Variants in TET2 observed in about 807,000 individuals in gnomAD.
The protein encoded by TET2 is tet methylcytosine dioxygenase 2.
TET2 carries 299 observed loss-of-function variants against 142.9 expected under a neutral mutation model. The observed-to-expected ratio is 2.09, with a 90% CI of 1.90 to 2.30. The LOEUF (loss-of-function observed/expected upper bound fraction) is 2.30, where lower values mean the gene tolerates loss of function less well. Among genes scored for constraint, TET2 ranks in the 30% most tolerant of loss-of-function variants. The probability of loss-of-function intolerance (pLI) is 0.00; values close to 1 mark genes in which losing one functional copy is unlikely to be tolerated. For missense variants in TET2, 2,418 were observed against 2,378.0 expected (o/e 1.02, Z -0.35); for synonymous variants, 819 against 849.0 (o/e 0.96, Z 0.61).
chr4:105,270,681 T>C (rs1251627158), intron 9 of TET2, among the ~76,000 whole-genome samples: 50 of 23,818 alleles, frequency 2.1e-3, no homozygotes, highest in African/African-American at 0.02. Context: ...ATGTTATATA[T>C]ATATATATAT....
chr4:105,200,710 G>C (rs1726408967), intron 2 of TET2, among the ~76,000 whole-genome samples: 1 of 151,882 alleles, frequency 6.6e-6, no homozygotes, highest in African/African-American at 2.4e-5. Context: ...CACCAGTCTG[G>C]AGTGTGGTGA....
rs1377670413 is a variant in TET2 at position 105,273,024 on chromosome 4, A to AT, written c.4537+107dup. ...TCAACTTGTAAGTTCTGGGGTACAC[A>AT]TGCAGGATGTGCAGGTTTGTTATAC... On this transcript the variant is annotated intron_variant, in intron 10 of 10. Coordinates refer to ENST00000380013, the MANE Select transcript of TET2 (RefSeq NM_001127208.3). The AT allele has an allele frequency of 6.0e-6, 5 of 840,202 alleles. No homozygotes were observed. The African/African-American group carries it at 8.6e-5, about 14-fold the overall frequency. The allele number at this position is 840,202 out of a possible 1,614,324, so 52.0% of individuals were successfully genotyped here. A position where few individuals can be genotyped will look rare whatever the true frequency, so the allele number is the denominator to read the frequency against.
intron 1 of TET2, among the ~76,000 whole-genome samples, chr4:105,154,321 A>G (rs1348855016): frequency 6.6e-6 from 1 of 152,240 alleles, no homozygotes; most frequent in Non-Finnish European, 1.5e-5. Flanking sequence ...AAATGAATGT[A>G]GTTGAGTTAT....
chr4:105,151,551 T>TTTAA (rs1474336971), intron 1 of TET2, among the ~76,000 whole-genome samples: 1 of 151,670 alleles, frequency 6.6e-6, no homozygotes, highest in Non-Finnish European at 1.5e-5. Flanking sequence ...TACCTGCAGT[T>TTTAA]TTAAGAATTC....
chr4:105,201,818 T>C (rs1726493364), intron 2 of TET2, among the ~76,000 whole-genome samples: 1 of 134,514 alleles, frequency 7.4e-6, no homozygotes, highest in Non-Finnish European at 1.5e-5. Context: ...TGAGGCTCAC[T>C]GCAGCCTCAA....
chr4:105,160,472 C>T (rs972901039), intron 1 of TET2, among the ~76,000 whole-genome samples: 3 of 152,128 alleles, frequency 2.0e-5, no homozygotes, highest in Non-Finnish European at 2.9e-5. Flanking sequence ...TGTATTGCAT[C>T]TAAGGATCAT....
At chr4:105,174,359 G>A (rs553401602) in intron 1 of TET2, among the ~76,000 whole-genome samples, 68 of 152,058 alleles carry the variant, frequency 4.5e-4, no homozygotes, top group African/African-American at 1.6e-3. Context: ...TATTTTTCTG[G>A]GATGACATAT....
At chr4:105,182,251 G>A (rs1364295635) in intron 1 of TET2, among the ~76,000 whole-genome samples, 1 of 152,148 alleles carries the variant, frequency 6.6e-6, no homozygotes, top group Non-Finnish European at 1.5e-5. Context: ...TGTGCTGATG[G>A]TTACTGAAAG....
At chr4:105,252,614 G>T (rs1180178149) in intron 6 of TET2, among the ~76,000 whole-genome samples, 2 of 152,136 alleles carry the variant, frequency 1.3e-5, no homozygotes, top group Non-Finnish European at 2.9e-5. Context: ...TCACTTGACA[G>T]TGCCATTTGC....
At chr4:105,175,572 A>G (rs1242468676) in intron 1 of TET2, among the ~76,000 whole-genome samples, 1 of 152,180 alleles carries the variant, frequency 6.6e-6, no homozygotes, top group Non-Finnish European at 1.5e-5. Flanking sequence ...AGATTATTCA[A>G]GAACTGCAGG....
chr4:105,229,367 G>A (rs549854378), intron 2 of TET2, among the ~76,000 whole-genome samples: 1 of 152,310 alleles, frequency 6.6e-6, no homozygotes, highest in South Asian at 2.1e-4. Flanking sequence ...CTGGAGTGCA[G>A]TGGCGCGATC....
intron 1 of TET2, chr4:105,178,126 T>TA (rs1308111790): frequency 1.3e-5 from 2 of 151,980 alleles, no homozygotes; most frequent in Admixed American, 1.3e-4. Context: ...AAACAAAACT[T>TA]ATCTCCACAT....
chr4:105,184,515 T>C (rs986668204), intron 1 of TET2, among the ~76,000 whole-genome samples: 5 of 152,254 alleles, frequency 3.3e-5, no homozygotes, highest in Admixed American at 3.3e-4. Flanking sequence ...CTGAGTTCTT[T>C]ACTGGGAGTC....
intron 1 of TET2, among the ~76,000 whole-genome samples, chr4:105,180,301 A>G (rs1319896054): frequency 1.3e-5 from 2 of 152,226 alleles, no homozygotes; most frequent in Non-Finnish European, 2.9e-5. Flanking sequence ...TGATAACATT[A>G]AAATGGTGAT....
Position 105,236,636 on chromosome 4 carries a change from AT to A in TET2, c.2695del (p.Tyr899IlefsTer22). The A allele has an allele frequency of 6.2e-7, 1 of 1,614,074 alleles. No individual in the cohort carries two copies. Among genetic ancestry groups the A allele is most frequent in the Non-Finnish European group, 8.5e-7 (1 of 1,179,992 alleles). ...CACAACAAGCTTCAGTTCTACAGGG[AT>A]ATAAAAATAGAAACCAAGATATGTC... ...KSQQASVLQGYKNRNQDMSGQ... is the reference protein window; with the variant it reads ...KSQQASVLQGXKNRNQDMSGQ... On this transcript the variant is annotated frameshift_variant, in exon 3 of 11. Coordinates refer to ENST00000380013, the MANE Select transcript of TET2 (RefSeq NM_001127208.3). LOFTEE classifies it high-confidence loss of function.
In TET2 at chr4:105,236,333, C is replaced by T. The variant is rs144220888; in HGVS notation, c.2391C>T (p.Phe797=). The change falls in exon 3 of 11, where the codon TTC becomes TTT. Residue 797 remains phenylalanine (F), a synonymous_variant. Coordinates refer to ENST00000380013, the MANE Select transcript of TET2 (RefSeq NM_001127208.3). ...ATCAGTATTCAAAATCAAGCGAGTT[C>T]GAGACTCATAATGTCCAAATGGGAC... is the stretch of plus-strand genomic sequence containing the variant. The part of the protein sequence containing the change: ...GENQYSKSSE[F]ETHNVQMGLE... 3.8e-5 allele frequency: 61 copies of T among 1,613,796 alleles called. No homozygotes were observed. In the African/African-American group the frequency reaches 3.9e-4, roughly 10 times the overall value.
intron 1 of TET2, among the ~76,000 whole-genome samples, chr4:105,156,615 A>G (rs1011144559): frequency 4.6e-5 from 7 of 152,336 alleles, no homozygotes; most frequent in African/African-American, 1.7e-4. Flanking sequence ...ATGGGTTATT[A>G]TAGTATTTTC....
intron 2 of TET2, among the ~76,000 whole-genome samples, chr4:105,218,902 C>G (rs530659892): frequency 6.6e-6 from 1 of 151,868 alleles, no homozygotes; most frequent in South Asian, 2.1e-4. Flanking sequence ...TAATCTAAAA[C>G]ATGCTATATA....
In TET2 at chr4:105,236,436, G is replaced by T; in HGVS notation, c.2494G>T (p.Val832Phe). ...GAAATCAAGTGCATGCAAAATACAG[G>T]TTTCTTGTTCAAACAATACACACCT... ...TMKSSACKIQ[V>F]SCSNNTHLVS... Residue 832 changes from valine to phenylalanine, a missense_variant, in exon 3 of 11, where the codon GTT becomes TTT. Physicochemically the swap from Val to Phe is conservative, Grantham distance 50 (BLOSUM62 -1). Transcript: ENST00000380013. 6.2e-7 allele frequency: 1 copy of T among 1,614,010 alleles called. No homozygotes were observed. The highest frequency in any genetic ancestry group is 1.1e-5 in the South Asian group (1 of 91,076).
Sources: gnomAD v4.1 joint callset for allele counts (sites outside exome capture counted in the v4.1 genomes callset) on GRCh38, gnomAD v4.1.1 for gene constraint, MANE v1.5 for transcripts, NCBI Gene and HGNC (gene_info 2026-07-23, HGNC 2026-07-21) for gene names.